ST8SIA2: variants seen among roughly 807,000 people sequenced by gnomAD.
ST8SIA2 encodes ST8 alpha-N-acetyl-neuraminide alpha-2,8-sialyltransferase 2.
Under a neutral mutation model 37.6 loss-of-function variants are expected in ST8SIA2, and 22 were observed. The ratio of observed to expected loss-of-function variants is 0.58; its 90% CI spans 0.42 to 0.83. The LOEUF is 0.83. Ranked by LOEUF, ST8SIA2 falls within the 40% of genes least tolerant of loss-of-function variation. The probability of loss-of-function intolerance (pLI) is 0.00; values close to 1 mark genes in which losing one functional copy is unlikely to be tolerated. For missense variants in ST8SIA2, 382 were observed against 484.7 expected (o/e 0.79, Z 1.99); for synonymous variants, 205 against 201.2 (o/e 1.02, Z -0.16).
At position 92,438,337 on chromosome 15, in the gene ST8SIA2, T is replaced by G; in HGVS notation, c.291-16T>G. On this transcript the variant is annotated splice_polypyrimidine_tract_variant and intron_variant, in intron 3 of 5. Coordinates refer to ENST00000268164, the MANE Select transcript of ST8SIA2 (RefSeq NM_006011.4). The stretch of plus-strand genomic sequence containing the variant: ...GCACCCTGGAGAATTTCCTCACGCA[T>G]GTTTGGTTTTCACAGGAAGCAGATT... 1 of 1,614,122 alleles carries G rather than the reference T, an allele frequency of 6.2e-7. No individual in the cohort carries two copies. Among genetic ancestry groups the G allele is most frequent in the Non-Finnish European group, 8.5e-7 (1 of 1,180,002 alleles).
At chr15:92,403,006 G>A (rs749196438) in intron 1 of ST8SIA2, among the ~76,000 whole-genome samples, 1 of 152,164 alleles carries the variant, frequency 6.6e-6, no homozygotes, top group Admixed American at 6.5e-5. Context: ...GAAGGAGGGA[G>A]GGAGTGAGTG....
intron 1 of ST8SIA2, among the ~76,000 whole-genome samples, chr15:92,427,160 A>G (rs895128778): frequency 1.3e-5 from 2 of 151,730 alleles, no homozygotes; most frequent in African/African-American, 2.4e-5. Flanking sequence ...TTATTTCACA[A>G]TGTATACAGA....
intron 1 of ST8SIA2, among the ~76,000 whole-genome samples, chr15:92,396,547 G>A (rs190570054): frequency 6.6e-6 from 1 of 151,008 alleles, no homozygotes; most frequent in East Asian, 2.0e-4. Context: ...AGGATGGAGT[G>A]CAGTGGCACA....
intron 2 of ST8SIA2, among the ~76,000 whole-genome samples, chr15:92,433,818 A>G (rs1056526116): frequency 6.6e-5 from 10 of 152,214 alleles, no homozygotes; most frequent in African/African-American, 2.4e-4. Context: ...CACAGGCTAC[A>G]ATGACATTGT....
intron 5 of ST8SIA2, among the ~76,000 whole-genome samples, chr15:92,451,184 G>A (rs1299385560): frequency 2.0e-5 from 3 of 152,192 alleles, no homozygotes; most frequent in Admixed American, 6.5e-5. Flanking sequence ...ACCAGGAACT[G>A]AACTGCATTC....
chr15:92,420,039 G>A (rs529795443), intron 1 of ST8SIA2, among the ~76,000 whole-genome samples: 1 of 152,192 alleles, frequency 6.6e-6, no homozygotes, highest in South Asian at 2.1e-4. Flanking sequence ...CTAATTTTTT[G>A]TATTTTGATT....
intron 1 of ST8SIA2, among the ~76,000 whole-genome samples, chr15:92,411,303 A>G (rs1394748130): frequency 2.0e-5 from 3 of 152,158 alleles, no homozygotes; most frequent in African/African-American, 7.2e-5. Context: ...CAGACGATGC[A>G]TCAGTTGCTT....
chr15:92,433,086 T>C (rs1313716694), intron 2 of ST8SIA2, among the ~76,000 whole-genome samples: 2 of 150,924 alleles, frequency 1.3e-5, no homozygotes, highest in Non-Finnish European at 2.9e-5. Flanking sequence ...GCTGAGATCA[T>C]GCCACTGCAC....
At chr15:92,409,394 G>T (rs2049533092) in intron 1 of ST8SIA2, among the ~76,000 whole-genome samples, 1 of 152,208 alleles carries the variant, frequency 6.6e-6, no homozygotes, top group African/African-American at 2.4e-5. Flanking sequence ...TGTTGACTTT[G>T]GGATTTGTGG....
intron 1 of ST8SIA2, among the ~76,000 whole-genome samples, chr15:92,423,204 G>A (rs949244831): frequency 7.2e-5 from 11 of 152,184 alleles, no homozygotes; most frequent in Admixed American, 1.3e-4. Flanking sequence ...CAAAAGTTCT[G>A]GAGACAGATG....
intron 1 of ST8SIA2, among the ~76,000 whole-genome samples, chr15:92,408,231 G>A (rs934085353): frequency 6.6e-6 from 1 of 151,988 alleles, no homozygotes; most frequent in African/African-American, 2.4e-5. Context: ...CCACCGAGAG[G>A]GGAGGATGCC....
chr15:92,403,255 G>C (rs1232904278), intron 1 of ST8SIA2, among the ~76,000 whole-genome samples: 1 of 152,134 alleles, frequency 6.6e-6, no homozygotes, highest in East Asian at 1.9e-4. Context: ...TTCCACCCAG[G>C]TTTGCCTGAC....
intron 5 of ST8SIA2, among the ~76,000 whole-genome samples, chr15:92,454,082 A>T (rs1241096796): frequency 6.6e-6 from 1 of 152,184 alleles, no homozygotes; most frequent in Non-Finnish European, 1.5e-5. Flanking sequence ...GAGTTGGCAG[A>T]TTAGCTCGCT....
chr15:92,426,395 C>G (rs748811255), intron 1 of ST8SIA2, among the ~76,000 whole-genome samples: 2 of 152,076 alleles, frequency 1.3e-5, no homozygotes, highest in South Asian at 4.1e-4. Flanking sequence ...TGAGAGGCAC[C>G]AGGCAGAAAA....
intron 1 of ST8SIA2, among the ~76,000 whole-genome samples, chr15:92,422,966 C>G (rs1246601960): frequency 1.3e-5 from 2 of 152,178 alleles, no homozygotes; most frequent in African/African-American, 4.8e-5. Flanking sequence ...ACTTCTGCAT[C>G]AAATGCCACA....
rs1022844743 is a variant in ST8SIA2, at chr15:92,433,585, C to T, written c.162-662C>T. On this transcript the variant is annotated intron_variant, in intron 2 of 5. Coordinates refer to ENST00000268164, the MANE Select transcript of ST8SIA2 (RefSeq NM_006011.4). ...TTCTTTCATTCACTCCAGGCTCCCC[C>T]GGGATCGATTTCAACCTAAATTCAA... Among the ~76,000 whole-genome samples the T allele has an allele frequency of 5.3e-5, 8 of 152,194 alleles. No homozygotes were observed. In the South Asian group the frequency reaches 1.5e-3, roughly 28 times the overall value.
Position 92,434,297 on chromosome 15 carries a change from G to A in ST8SIA2, c.212G>A (p.Ser71Asn), listed in dbSNP as rs750212891. Residue 71 changes from serine (S) to asparagine (N), a missense_variant, in exon 3 of 6, where the codon AGT becomes AAT. Transcript: ENST00000268164. ...TCATCACCAGCTGTTGTTGACAGAA[G>A]TAATGAAAGCATCAAGCACAACATC... is the stretch of plus-strand genomic sequence containing the variant. ...GSSSPAVVDR[S>N]NESIKHNIQP... is the part of the protein sequence containing the mutation. 1 of 1,614,080 alleles carries A rather than the reference G, an allele frequency of 6.2e-7. No homozygotes were observed. The highest frequency in any genetic ancestry group is 8.5e-7 in the Non-Finnish European group (1 of 1,180,028).
At chr15:92,450,193 A>G (rs1163725034) in intron 5 of ST8SIA2, among the ~76,000 whole-genome samples, 1 of 152,246 alleles carries the variant, frequency 6.6e-6, no homozygotes, top group East Asian at 1.9e-4. Flanking sequence ...TACAAATACT[A>G]TACCTGATAA....
chr15:92,438,443 C>G lies in ST8SIA2; in HGVS notation c.381C>G (p.Phe127Leu). The G allele has an allele frequency of 6.2e-7, 1 of 1,614,214 alleles. No homozygotes were observed. The highest frequency in any genetic ancestry group is 8.5e-7 in the Non-Finnish European group (1 of 1,180,046). Reference sequence around the variant, plus strand: ...CTGGAGATATTATTCATTACATCTTCGATCGAGACAGCACCATGAATGTGT... The same window carrying G: ...CTGGAGATATTATTCATTACATCTTGGATCGAGACAGCACCATGAATGTGT... ...LKPGDIIHYI[F>L]DRDSTMNVSQ... Residue 127 changes from phenylalanine (F) to leucine (L), a missense_variant, in exon 4 of 6, where the codon TTC becomes TTG. Coordinates refer to ENST00000268164, the MANE Select transcript of ST8SIA2 (RefSeq NM_006011.4).
Sources: gnomAD v4.1 joint callset for allele counts (sites outside exome capture counted in the v4.1 genomes callset) on GRCh38, gnomAD v4.1.1 for gene constraint, MANE v1.5 for transcripts, NCBI Gene and HGNC (gene_info 2026-07-23, HGNC 2026-07-21) for gene names.